The following ARPC2 variants were observed in gnomAD, a reference collection of about 807,000 sequenced individuals.
ARPC2 encodes the protein actin-related protein 2/3 complex subunit 2.
ARPC2 carries 4 observed loss-of-function variants against 38.6 expected under a neutral mutation model. The ratio of observed to expected loss-of-function variants is 0.10; its 90% CI spans 0.05 to 0.24. The LOEUF (loss-of-function observed/expected upper bound fraction) is 0.24, where lower values mean the gene tolerates loss of function less well. Among genes scored for constraint, ARPC2 ranks in the 10% least tolerant of loss-of-function variants. The pLI, the probability that ARPC2 is intolerant of heterozygous loss-of-function variation, is 1.00. For synonymous variants in ARPC2, 125 were observed against 140.8 expected (o/e 0.89, Z 0.79); for missense variants, 229 against 387.3 (o/e 0.59, Z 3.43).
intron 5 of ARPC2, chr2:218,234,947 G>T (rs1689733181): frequency 9.1e-6 from 4 of 437,438 alleles, no homozygotes; most frequent in Middle Eastern, 3.4e-4. Flanking sequence ...TTAAAAAGGA[G>T]GTTTAAAGTG....
intron 2 of ARPC2, 37 bp from the exon 3 acceptor site, chr2:218,225,883 A>C (rs773671763): frequency 6.2e-7 from 1 of 1,609,136 alleles, no homozygotes; most frequent in South Asian, 1.1e-5. Flanking sequence ...GCAGCAATAC[A>C]GTCATCTTAA....
At chr2:218,249,529 C>G (rs1221007151) in intron 9 of ARPC2, 65 bp downstream of exon 9, 5 of 1,279,718 alleles carry the variant, frequency 3.9e-6, no homozygotes, top group African/African-American at 1.5e-5. Context: ...GAACTCCTGA[C>G]AGAAAGTCAT....
intron 2 of ARPC2, among the ~76,000 whole-genome samples, chr2:218,224,044 C>T (rs1317753529): frequency 6.6e-6 from 1 of 152,164 alleles, no homozygotes; most frequent in Non-Finnish European, 1.5e-5. Context: ...AGCAGCCATT[C>T]TCTCTCTTCT....
intron 2 of ARPC2, among the ~76,000 whole-genome samples, chr2:218,225,086 G>A (rs1689466210): frequency 6.6e-6 from 1 of 152,140 alleles, no homozygotes; most frequent in Admixed American, 6.6e-5. Context: ...TCCTACTTTG[G>A]ACTTCAGGTC....
intron 5 of ARPC2, among the ~76,000 whole-genome samples, chr2:218,237,425 C>T (rs1559480127): frequency 6.6e-6 from 1 of 152,062 alleles, no homozygotes; most frequent in African/African-American, 2.4e-5. Context: ...TCTCGAACTC[C>T]TGACCTCAGG....
chr2:218,243,284 T>C (rs1226377384), intron 7 of ARPC2, among the ~76,000 whole-genome samples: 1 of 152,220 alleles, frequency 6.6e-6, no homozygotes, highest in Non-Finnish European at 1.5e-5. Flanking sequence ...GAACTTCCTA[T>C]GATAAATAGT....
chr2:218,249,312 C>A, intron 8 of ARPC2, 52 bp from the exon 9 acceptor site: 1 of 1,326,666 alleles, frequency 7.5e-7, no homozygotes, highest in South Asian at 1.2e-5. Context: ...CTTCCCCACC[C>A]TTTGGCATTT....
intron 4 of ARPC2, among the ~76,000 whole-genome samples, chr2:218,230,667 T>A (rs987113682): frequency 7.2e-5 from 11 of 152,136 alleles, no homozygotes; most frequent in Non-Finnish European, 1.3e-4. Context: ...AGACTTTTTT[T>A]AAATTGTGTA....
intron 10 of ARPC2, among the ~76,000 whole-genome samples, chr2:218,253,227 A>G (rs909363191): frequency 3.3e-5 from 5 of 152,240 alleles, no homozygotes; most frequent in Non-Finnish European, 5.9e-5. Flanking sequence ...CATAGTTCTC[A>G]GCTCTAGCTT....
intron 3 of ARPC2, among the ~76,000 whole-genome samples, chr2:218,227,961 G>T (rs918456056): frequency 6.6e-6 from 1 of 152,112 alleles, no homozygotes; most frequent in Non-Finnish European, 1.5e-5. Context: ...TAGTATCATG[G>T]TTATGTTTTT....
intron 5 of ARPC2, among the ~76,000 whole-genome samples, chr2:218,237,855 A>C (rs1689810448): frequency 6.6e-6 from 1 of 152,198 alleles, no homozygotes; most frequent in South Asian, 2.1e-4. Flanking sequence ...GGTGTGAGCC[A>C]CCACACCCAG....
chr2:218,217,903 T>C (rs1689292907), intron 2 of ARPC2, among the ~76,000 whole-genome samples: 1 of 152,182 alleles, frequency 6.6e-6, no homozygotes, highest in Non-Finnish European at 1.5e-5. Context: ...TTCCCCGGCA[T>C]TGTTCTGAAC....
At position 218,217,197 on chromosome 2, in the gene ARPC2, A is replaced by AGCGGCAGTGGCG. The variant is rs1553645357; in HGVS notation, c.-60_-49dup. The AGCGGCAGTGGCG allele has an allele frequency of 2.1e-5, 9 of 422,972 alleles. No homozygotes were observed. The highest frequency in any genetic ancestry group is 1.4e-4 in the East Asian group (3 of 21,678). The allele number at this position is 422,972 out of a possible 1,614,324, so 26.2% of individuals were successfully genotyped here. A position where few individuals can be genotyped will look rare whatever the true frequency, so the allele number is the denominator to read the frequency against. ...GGGCGGGGACCGGGCTTGTCGGTGA[A>AGCGGCAGTGGCG]GCGGCAGTGGCGGCGGCGGCGGCGG... On this transcript the variant is annotated 5_prime_UTR_variant, in exon 1 of 11. Coordinates refer to ENST00000315717, the MANE Select transcript of ARPC2 (RefSeq NM_152862.3).
chr2:218,220,598 A>T (rs10208442), intron 2 of ARPC2, among the ~76,000 whole-genome samples: 1 of 151,876 alleles, frequency 6.6e-6, no homozygotes. Context: ...TTAATTTTCC[A>T]TTTGAAGTTG....
At position 218,253,844 on chromosome 2, in the gene ARPC2, A is replaced by G. The variant is rs201752134; in HGVS notation, c.879-47A>G. Reference sequence around the variant, plus strand: ...TAGTCTAGGAGTGTGGGGTGGGAGGAAAGGGCAGCCAGAAACTGACCTTCG... The same window carrying G: ...TAGTCTAGGAGTGTGGGGTGGGAGGGAAGGGCAGCCAGAAACTGACCTTCG... On this transcript the variant is annotated intron_variant, in intron 10 of 10. Transcript: ENST00000315717. 4.3e-4 allele frequency: 688 copies of G among 1,608,778 alleles called. 4 individuals carry two copies. Among genetic ancestry groups the G allele is most frequent in the Middle Eastern group, 5.0e-4 (3 of 6,022 alleles).
intron 2 of ARPC2, among the ~76,000 whole-genome samples, chr2:218,219,336 G>C (rs1212758869): frequency 6.6e-6 from 1 of 151,680 alleles, no homozygotes; most frequent in Non-Finnish European, 1.5e-5. Flanking sequence ...AAGTCTGGAA[G>C]ACATAAGTTA....
chr2:218,234,771 T>A, intron 5 of ARPC2: 1 of 467,210 alleles, frequency 2.1e-6, no homozygotes, highest in Admixed American at 2.3e-5. Flanking sequence ...TACTACATAT[T>A]TGGAGAAAGA....
At chr2:218,225,813 T>C (rs756347068) in intron 2 of ARPC2, 107 bp from the exon 3 acceptor site, 257 of 1,044,538 alleles carry the variant, frequency 2.5e-4, no homozygotes, top group Non-Finnish European at 3.6e-4. Flanking sequence ...CTAAAATTTA[T>C]ACAGAATGGT....
chr2:218,244,668 A>G (rs6704974), intron 7 of ARPC2, among the ~76,000 whole-genome samples: 146,657 of 152,366 alleles, frequency 0.96, 70,804 homozygotes, highest in East Asian at 1. Context: ...ATTAGGAGGC[A>G]GTATTTGAGC....
Sources: allele counts gnomAD v4.1 joint callset (sites outside exome capture counted in the v4.1 genomes callset), GRCh38; gene constraint gnomAD v4.1.1; transcripts MANE v1.5; gene names NCBI Gene and HGNC (gene_info 2026-07-23, HGNC 2026-07-21).